The following CFAP97D2 variants were observed in gnomAD, a reference collection of about 807,000 sequenced individuals.
CFAP97D2 encodes the protein uncharacterized protein CFAP97D2.
intron 3 of CFAP97D2, among the ~76,000 whole-genome samples, chr13:114,201,785 T>C (rs1437738307): frequency 6.6e-6 from 1 of 152,202 alleles, no homozygotes; most frequent in African/African-American, 2.4e-5. Context: ...AATAAACATA[T>C]CTAGCTAGCT....
At chr13:114,199,329 A>T (rs78344187) in intron 2 of CFAP97D2, among the ~76,000 whole-genome samples, 2 of 12,840 alleles carry the variant, frequency 1.6e-4, no homozygotes, top group Admixed American at 7.0e-4. Flanking sequence ...TACGGTCCCC[A>T]CTGAGGCGTG....
At chr13:114,220,305 T>A (rs2081015681) in intron 4 of CFAP97D2, among the ~76,000 whole-genome samples, 1 of 151,944 alleles carries the variant, frequency 6.6e-6, no homozygotes, top group Non-Finnish European at 1.5e-5. Context: ...ACCTTTATAG[T>A]CCCAGAAATT....
In CFAP97D2 at chr13:114,203,732, C is replaced by T. The variant is rs78216927; in HGVS notation, c.290+3289C>T. ...GAAGAGGCCAGGCTCCTCCCCTGCC[C>T]GTGGCTTCACCCGTTTCCCCAGTGC... On this transcript the variant is annotated intron_variant, in intron 3 of 4. Transcript: ENST00000646158. The surrounding 1 kb of genome is among the most constrained non-coding windows in gnomAD (Gnocchi z 4.3). 0.024 allele frequency among the ~76,000 whole-genome samples: 3,689 copies of T among 152,314 alleles called. 145 individuals carry two copies. The highest frequency in any genetic ancestry group is 0.084 in the African/African-American group (3,477 of 41,556).
chr13:114,217,921 A>T (rs939896375), intron 4 of CFAP97D2, among the ~76,000 whole-genome samples: 1 of 152,216 alleles, frequency 6.6e-6, no homozygotes. Flanking sequence ...CCAATATCAC[A>T]CTGAATGGGC....
At position 114,200,312 on chromosome 13, in the gene CFAP97D2, T is replaced by C. The variant is rs1320845441; in HGVS notation, c.172-13T>C. 3 of 398,502 alleles carry C rather than the reference T, an allele frequency of 7.5e-6. No homozygotes were observed. The highest frequency in any genetic ancestry group is 1.3e-5 in the Non-Finnish European group (3 of 226,056). The allele number at this position is 398,502 out of a possible 1,614,324, so 24.7% of individuals were successfully genotyped here. A position where few individuals can be genotyped will look rare whatever the true frequency, so the allele number is the denominator to read the frequency against. Reference sequence around the variant, plus strand: ...TCTGCCGGCGCTCCTCCAGCCTCCTTCTCTGTCCCCAGCTGGAGGAGGAAC... The same window carrying C: ...TCTGCCGGCGCTCCTCCAGCCTCCTCCTCTGTCCCCAGCTGGAGGAGGAAC... On this transcript the variant is annotated splice_polypyrimidine_tract_variant and intron_variant, in intron 2 of 4. Coordinates refer to ENST00000646158, the Ensembl canonical transcript of CFAP97D2.
intron 1 of CFAP97D2, among the ~76,000 whole-genome samples, chr13:114,183,302 G>A (rs2080843639): frequency 1.3e-5 from 2 of 152,138 alleles, no homozygotes; most frequent in African/African-American, 2.4e-5. Flanking sequence ...AAGTAGCTGT[G>A]ATTACAGTCG....
rs138101216 is a variant in CFAP97D2 at position 114,189,635 on chromosome 13, G to T, written c.91-6761G>T. Among the ~76,000 whole-genome samples the T allele has an allele frequency of 6.3e-4, 96 of 152,134 alleles. No homozygotes were observed. The highest frequency in any genetic ancestry group is 3.4e-3 in the Middle Eastern group (1 of 294). ...AAGTATTATATGCCATGACCAAGTG[G>T]GATTCATTCCAGGTATGCAAGGCTG... On this transcript the variant is annotated intron_variant, in intron 1 of 4. Coordinates refer to ENST00000646158, the Ensembl canonical transcript of CFAP97D2. This position sits in a 1 kb window ranked among gnomAD's most constrained non-coding sequence, Gnocchi z 4.5.
intron 3 of CFAP97D2, among the ~76,000 whole-genome samples, chr13:114,206,511 G>A (rs768156699): frequency 1.9e-4 from 29 of 152,180 alleles, no homozygotes; most frequent in Non-Finnish European, 3.4e-4. Flanking sequence ...ATGGAATAAA[G>A]TATTGACACG....
At chr13:114,217,222 A>T (rs1481663610) in intron 4 of CFAP97D2, among the ~76,000 whole-genome samples, 2 of 152,258 alleles carry the variant, frequency 1.3e-5, no homozygotes, top group Admixed American at 1.3e-4. Flanking sequence ...ACAGAAATAC[A>T]AACTACCATC....
At position 114,182,346 on chromosome 13, in the gene CFAP97D2, T is replaced by G. The variant is rs555505373; in HGVS notation, c.90+2926T>G. On this transcript the variant is annotated intron_variant, in intron 1 of 4. Coordinates refer to ENST00000646158, the Ensembl canonical transcript of CFAP97D2. ...TCCCGCCATAGGGCTGTTTTTCTCCTATCTCAGAATTGAACAAATGTACAA... is the reference window on the plus strand; with the variant it reads ...TCCCGCCATAGGGCTGTTTTTCTCCGATCTCAGAATTGAACAAATGTACAA... 1.2e-3 allele frequency among the ~76,000 whole-genome samples: 180 copies of G among 151,704 alleles called. No homozygotes were observed. The South Asian group carries it at 0.021, about 18-fold the overall frequency.
intron 3 of CFAP97D2, among the ~76,000 whole-genome samples, chr13:114,202,051 G>A (rs117526524): frequency 0.012 from 1,755 of 152,290 alleles, 99 homozygotes; most frequent in Admixed American, 0.081. Context: ...TCTGCCCATC[G>A]AAGGTTCCCT....
At chr13:114,194,401 C>A (rs1250192694) in intron 1 of CFAP97D2, among the ~76,000 whole-genome samples, 6 of 152,312 alleles carry the variant, frequency 3.9e-5, no homozygotes, top group Non-Finnish European at 7.3e-5. Context: ...AGGACAAATT[C>A]TCTGGATTTC....
rs747599833 is a variant in CFAP97D2, at chr13:114,203,392, G to A, written c.290+2949G>A. On this transcript the variant is annotated intron_variant, in intron 3 of 4. Transcript: ENST00000646158. The surrounding 1 kb of genome is among the most constrained non-coding windows in gnomAD (Gnocchi z 4.3). Reference sequence around the variant, plus strand: ...ATTTATACTCCAAAAACTACAAACCGTCATCCACAAAAATTGAAGATCTAA... The same window carrying A: ...ATTTATACTCCAAAAACTACAAACCATCATCCACAAAAATTGAAGATCTAA... 4.6e-5 allele frequency among the ~76,000 whole-genome samples: 7 copies of A among 152,096 alleles called. No individual in the cohort carries two copies. The highest frequency in any genetic ancestry group is 1.9e-4 in the East Asian group (1 of 5,200).
chr13:114,207,584 C>T lies in CFAP97D2; in HGVS notation c.291-4328C>T, dbSNP rs1437654998. Among the ~76,000 whole-genome samples, 3 of 152,200 alleles carry T rather than the reference C, an allele frequency of 2.0e-5. No homozygotes were observed. In the South Asian group the frequency reaches 6.2e-4, roughly 32 times the overall value. On this transcript the variant is annotated intron_variant, in intron 3 of 4. Coordinates refer to ENST00000646158, the Ensembl canonical transcript of CFAP97D2. This position sits in a 1 kb window ranked among gnomAD's most constrained non-coding sequence, Gnocchi z 4.9. ...ACTGCTGATCTGACAGGAGGTGGAG[C>T]TCAGGCAGTAATGCCAGCAATGGGG... is the stretch of plus-strand genomic sequence containing the variant.
chr13:114,216,717 T>G lies in CFAP97D2; in HGVS notation c.480+4616T>G, dbSNP rs2138788715. Reference sequence around the variant, plus strand: ...GATGGACATTTGGGTTGGTTCCAAGTCTTTGCTATTGGGAATAGTGCTGCA... The same window carrying G: ...GATGGACATTTGGGTTGGTTCCAAGGCTTTGCTATTGGGAATAGTGCTGCA... On this transcript the variant is annotated intron_variant, in intron 4 of 4. Coordinates refer to ENST00000646158, the Ensembl canonical transcript of CFAP97D2. Among the ~76,000 whole-genome samples the G allele has an allele frequency of 2.0e-5, 3 of 152,340 alleles. No individual in the cohort carries two copies. The South Asian group carries it at 6.2e-4, about 32-fold the overall frequency.
At chr13:114,190,270 T>C (rs2080864598) in intron 1 of CFAP97D2, among the ~76,000 whole-genome samples, 1 of 152,076 alleles carries the variant, frequency 6.6e-6, no homozygotes, top group Non-Finnish European at 1.5e-5. Flanking sequence ...CTCTTAAACA[T>C]CGTAACATTG....
intron 1 of CFAP97D2, among the ~76,000 whole-genome samples, chr13:114,190,419 G>T (rs974259899): frequency 1.7e-4 from 26 of 152,166 alleles, no homozygotes; most frequent in African/African-American, 5.5e-4. Flanking sequence ...TCAATAAAAA[G>T]ACATGTGGAA....
At chr13:114,219,623 G>A (rs1273400042) in intron 4 of CFAP97D2, among the ~76,000 whole-genome samples, 7 of 152,230 alleles carry the variant, frequency 4.6e-5, no homozygotes, top group Admixed American at 3.3e-4. Flanking sequence ...GAAGTCCCCA[G>A]CTTTGGCAAT....
At chr13:114,184,915 T>C (rs1331813537) in intron 1 of CFAP97D2, among the ~76,000 whole-genome samples, 4 of 152,280 alleles carry the variant, frequency 2.6e-5, no homozygotes, top group African/African-American at 9.6e-5. Context: ...TGTATACTTA[T>C]GTGCATATCT....
Sources: gnomAD v4.1 joint callset for allele counts (sites outside exome capture counted in the v4.1 genomes callset) on GRCh38, gnomAD v4.1.1 for gene constraint, Gnocchi (gnomAD v3.1) non-coding constraint, MANE v1.5 for transcripts, NCBI Gene and HGNC (gene_info 2026-07-23, HGNC 2026-07-21) for gene names.